The following NASP variants were observed in gnomAD, a reference collection of about 807,000 sequenced individuals.
The protein encoded by NASP is NASP histone chaperone.
In NASP, 24 loss-of-function variants were observed where a neutral mutation model predicts 89.5. The ratio of observed to expected loss-of-function variants is 0.27; its 90% CI spans 0.19 to 0.38. The LOEUF is 0.38. Among genes scored for constraint, NASP ranks in the 10% least tolerant of loss-of-function variants. The pLI, the probability that NASP is intolerant of heterozygous loss-of-function variation, is 1.00. For missense variants in NASP, 848 were observed against 921.4 expected (o/e 0.92, Z 1.03); for synonymous variants, 306 against 324.7 (o/e 0.94, Z 0.62).
At chr1:45,586,268 GTGTGTGTGTGTGTGTGGTGTGTGT>G (rs1644537804) in intron 1 of NASP, among the ~76,000 whole-genome samples, 3 of 63,974 alleles carry the variant, frequency 4.7e-5, no homozygotes, top group African/African-American at 1.4e-4. Flanking sequence ...GTGTGTGTGT[GTGTGTGTGTGTGTGTGGTGTGTGT>G]GTGTGTGTGT....
intron 6 of NASP, chr1:45,611,838 T>C (rs1236994421): frequency 6.8e-6 from 1 of 148,034 alleles, no homozygotes; most frequent in East Asian, 2.0e-4. Flanking sequence ...ATGTCCTCAG[T>C]AAATTTGTTA....
intron 7 of NASP, 143 bp from the exon 8 acceptor site, chr1:45,613,953 T>C: frequency 3.2e-6 from 2 of 632,198 alleles, no homozygotes; most frequent in Non-Finnish European, 5.6e-6. Flanking sequence ...CTTAAGACAG[T>C]ATGTGGACCC....
chr1:45,616,703 G>A lies in NASP; in HGVS notation c.2157G>A (p.Lys719=). 2 of 1,611,912 alleles carry A rather than the reference G, an allele frequency of 1.2e-6. No homozygotes were observed. Among genetic ancestry groups the A allele is most frequent in the Non-Finnish European group, 1.7e-6 (2 of 1,177,958 alleles). The change falls in exon 13 of 15, where the codon AAG becomes AAA. Residue 719 remains lysine (K), a splice_region_variant and synonymous_variant. Coordinates refer to ENST00000350030, the MANE Select transcript of NASP (RefSeq NM_002482.4). ...VTDISHLVRK[K]RKPEEESPRK... ...ATATTTCCCACCTTGTCAGAAAGAA[G>A]GTAAGTCTACATGTGGTGTTTCTTT...
At chr1:45,608,474 G>A (rs955878798) in intron 6 of NASP, 137 bp downstream of exon 6, 2 of 870,618 alleles carry the variant, frequency 2.3e-6, no homozygotes, top group Admixed American at 2.6e-5. Context: ...GAAAAGGGGG[G>A]TAGTTTAACA....
intron 6 of NASP, chr1:45,611,143 T>C (rs993939716): frequency 6.6e-6 from 1 of 152,222 alleles, no homozygotes; most frequent in African/African-American, 2.4e-5. Context: ...GCAGAAAAGC[T>C]GAAGTAGATT....
intron 2 of NASP, chr1:45,594,820 A>G: frequency 1.0e-5 from 4 of 393,510 alleles, no homozygotes; most frequent in Non-Finnish European, 1.6e-5. Context: ...TTAGAGGACC[A>G]GAATATTCTG....
intron 2 of NASP, chr1:45,594,631 T>C: frequency 2.3e-6 from 1 of 430,496 alleles, no homozygotes; most frequent in South Asian, 1.7e-5. Flanking sequence ...CTTAGACTCC[T>C]GGGTAGCTAG....
chr1:45,595,240 C>T (rs1033992903), intron 2 of NASP, among the ~76,000 whole-genome samples: 1 of 151,426 alleles, frequency 6.6e-6, no homozygotes, highest in Non-Finnish European at 1.5e-5. Context: ...AACTTCTGCC[C>T]TCCCTATGAT....
chr1:45,600,884 G>T (rs1643824955), intron 2 of NASP, among the ~76,000 whole-genome samples: 1 of 152,182 alleles, frequency 6.6e-6, no homozygotes, highest in Admixed American at 6.5e-5. Context: ...CTATTATAGT[G>T]AATATAGCAG....
chr1:45,603,647 T>G (rs150180710), intron 3 of NASP, among the ~76,000 whole-genome samples: 94 of 151,372 alleles, frequency 6.2e-4, no homozygotes, highest in Non-Finnish European at 5.9e-5. Flanking sequence ...TTCGCTCTTG[T>G]TGCCCTGGCT....
intron 5 of NASP, 179 bp from the exon 6 acceptor site, chr1:45,607,142 G>A (rs1338681741): frequency 1.6e-6 from 1 of 629,398 alleles, no homozygotes; most frequent in Admixed American, 3.0e-5. Flanking sequence ...GCAGTAAGTT[G>A]CTCTGCTAGC....
chr1:45,602,268 A>G lies in NASP; in HGVS notation c.121A>G (p.Ser41Gly), dbSNP rs751468600. Reference protein sequence around the residue: ...ADKVESLDVDSEAKKLLGLGQ... With the variant: ...ADKVESLDVDGEAKKLLGLGQ... ...TTTTTTTTGCAGTCTGGATGTGGAT[A>G]GTGAAGCTAAGAAACTATTGGGTTT... Residue 41 changes from serine (S) to glycine (G), a missense_variant, in exon 3 of 15, where the codon AGT (serine) becomes GGT (glycine). Physicochemically the swap from Ser to Gly is moderately conservative, Grantham distance 56 (BLOSUM62 0). Transcript: ENST00000350030. 3 of 1,613,380 alleles carry G rather than the reference A, an allele frequency of 1.9e-6. No homozygotes were observed. The highest frequency in any genetic ancestry group is 1.1e-5 in the South Asian group (1 of 91,080).
intron 1 of NASP, among the ~76,000 whole-genome samples, chr1:45,587,249 A>T (rs1034485975): frequency 2.6e-5 from 4 of 151,424 alleles, no homozygotes; most frequent in Admixed American, 6.6e-5. Flanking sequence ...GCAGTGGCAC[A>T]ATCTCTGCTC....
At chr1:45,586,521 T>C (rs916248128) in intron 1 of NASP, among the ~76,000 whole-genome samples, 1 of 152,098 alleles carries the variant, frequency 6.6e-6, no homozygotes, top group African/African-American at 2.4e-5. Context: ...ACGCCTAGGC[T>C]CAAGGGATCC....
At chr1:45,584,245 C>A in intron 1 of NASP, 40 bp downstream of exon 1, 2 of 1,541,362 alleles carry the variant, frequency 1.3e-6, no homozygotes, top group East Asian at 2.4e-5. Context: ...CTGGCCAGTC[C>A]GCGGGGAGGG....
At chr1:45,586,309 G>GTGTGTGGT (rs1420228919) in intron 1 of NASP, among the ~76,000 whole-genome samples, 2 of 136,000 alleles carry the variant, frequency 1.5e-5, no homozygotes, top group African/African-American at 5.7e-5. Flanking sequence ...GTGTGTGTGT[G>GTGTGTGGT]GTGTGTGTGT....
intron 6 of NASP, chr1:45,610,486 A>G (rs778282331): frequency 2.0e-5 from 3 of 152,240 alleles, no homozygotes; most frequent in Non-Finnish European, 4.4e-5. Flanking sequence ...ACCATTCTGC[A>G]GAAAACTTCC....
chr1:45,615,301 T>C lies in NASP; in HGVS notation c.1856-4T>C, dbSNP rs758249360. ...GCCATTACTAATCACTTTATTCTTTTTAGCTGTACTAAACGAGCAGGTGAA... is the reference window on the plus strand; with the variant it reads ...GCCATTACTAATCACTTTATTCTTTCTAGCTGTACTAAACGAGCAGGTGAA... On this transcript the variant is annotated splice_region_variant and splice_polypyrimidine_tract_variant and intron_variant, in intron 10 of 14. Transcript: ENST00000350030. 6.2e-7 allele frequency: 1 copy of C among 1,613,314 alleles called. No individual in the cohort carries two copies. The highest frequency in any genetic ancestry group is 8.5e-7 in the Non-Finnish European group (1 of 1,179,788).
intron 1 of NASP, 66 bp from the exon 2 acceptor site, chr1:45,591,156 AT>A (rs1643537749): frequency 1.0e-6 from 1 of 956,614 alleles, no homozygotes; most frequent in Non-Finnish European, 1.6e-6. Flanking sequence ...TTCTGAATTT[AT>A]TTTATTTTCA....
Sources: allele counts gnomAD v4.1 joint callset (sites outside exome capture counted in the v4.1 genomes callset), GRCh38; gene constraint gnomAD v4.1.1; transcripts MANE v1.5; gene names NCBI Gene and HGNC (gene_info 2026-07-23, HGNC 2026-07-21).